MIIP: variants seen among roughly 807,000 people sequenced by gnomAD.
MIIP encodes the protein migration and invasion-inhibitory protein.
A neutral mutation model predicts 44.8 loss-of-function variants in MIIP; 44 were observed. The observed-to-expected ratio is 0.98, with a 90% confidence interval of 0.77 to 1.26. The LOEUF is 1.26. MIIP is among the 50% of genes most tolerant of loss of function. The pLI is 0.00. For missense variants in MIIP, 496 were observed against 511.7 expected (o/e 0.97, Z 0.30); for synonymous variants, 225 against 218.3 (o/e 1.03, Z -0.27).
chr1:12,023,840 A>G (rs1640043259), intron 4 of MIIP, among the ~76,000 whole-genome samples: 1 of 152,124 alleles, frequency 6.6e-6, no homozygotes, highest in South Asian at 2.1e-4. Flanking sequence ...CTAAAAATAC[A>G]ATAATTAGCC....
rs775285846 is a variant in MIIP, at chr1:12,022,303, G to A, written c.323G>A (p.Arg108Gln). ...AKCQHQESLG[R>Q]PRPHSAPSLG... ...TGCCAGCACCAGGAGTCCCTGGGCCGACCGAGACCCCACTCAGCACCCTCG... is the reference window on the plus strand; with the variant it reads ...TGCCAGCACCAGGAGTCCCTGGGCCAACCGAGACCCCACTCAGCACCCTCG... The change falls in exon 3 of 10, where the codon CGA becomes CAA. Residue 108 changes from arginine to glutamine, a missense_variant. Coordinates refer to ENST00000235332, the MANE Select transcript of MIIP (RefSeq NM_021933.4). 3.1e-6 allele frequency: 5 copies of A among 1,613,794 alleles called. No individual in the cohort carries two copies. Among genetic ancestry groups the A allele is most frequent in the Middle Eastern group, 1.6e-4 (1 of 6,062 alleles).
Position 12,032,043 on chromosome 1 carries a change from C to G in MIIP, c.*235C>G. On this transcript the variant is annotated 3_prime_UTR_variant, in exon 10 of 10. Transcript: ENST00000235332. ...AAATAAAGCTCAGTGCTCTGCAGCT[C>G]AAGTCCCACGTGTGCTGGTTCCATC... 1.9e-5 allele frequency: 11 copies of G among 576,920 alleles called. 1 individual carries two copies. Among genetic ancestry groups the G allele is most frequent in the South Asian group, 1.9e-4 (9 of 47,968 alleles). The allele number at this position is 576,920 out of a possible 1,614,324, so 35.7% of individuals were successfully genotyped here. A position where few individuals can be genotyped will look rare whatever the true frequency, so the allele number is the denominator to read the frequency against.
intron 2 of MIIP, 81 bp from the exon 3 acceptor site, chr1:12,022,014 A>G: frequency 6.8e-7 from 1 of 1,472,162 alleles, no homozygotes; most frequent in Non-Finnish European, 9.3e-7. Context: ...CAGGATGAGG[A>G]TGCTTGCCTT....
intron 9 of MIIP, 41 bp downstream of exon 9, chr1:12,031,444 A>G: frequency 1.3e-6 from 2 of 1,596,488 alleles, no homozygotes; most frequent in Non-Finnish European, 1.7e-6. Flanking sequence ...TGCCCCCTAG[A>G]GGGACAGAGA....
chr1:12,019,935 C>G (rs1178261063), intron 1 of MIIP, among the ~76,000 whole-genome samples: 1 of 152,222 alleles, frequency 6.6e-6, no homozygotes, highest in Non-Finnish European at 1.5e-5. Flanking sequence ...AAACAGTTGG[C>G]CCCTCTGGAC....
chr1:12,022,324 C>G lies in MIIP; in HGVS notation c.344C>G (p.Pro115Arg), dbSNP rs749869479. Reference protein sequence around the residue: ...SLGRPRPHSAPSLGTSSLRDP... With the variant: ...SLGRPRPHSARSLGTSSLRDP... Reference sequence around the variant, plus strand: ...GGCCGACCGAGACCCCACTCAGCACCCTCGCTGGGCACCTCAAGCCTGAGG... The same window carrying G: ...GGCCGACCGAGACCCCACTCAGCACGCTCGCTGGGCACCTCAAGCCTGAGG... The change falls in exon 3 of 10, where the codon CCC (proline) becomes CGC (arginine). Residue 115 changes from proline to arginine, a missense_variant. Transcript: ENST00000235332. The G allele has an allele frequency of 6.2e-7, 1 of 1,613,888 alleles. No homozygotes were observed. The highest frequency in any genetic ancestry group is 8.5e-7 in the Non-Finnish European group (1 of 1,180,004).
At chr1:12,029,704 G>A (rs1270848429) in intron 6 of MIIP, 61 bp from the exon 7 acceptor site, 9 of 1,579,108 alleles carry the variant, frequency 5.7e-6, no homozygotes, top group South Asian at 1.1e-5. Context: ...AGGGCAGCAC[G>A]GAGCCTGGGG....
intron 4 of MIIP, among the ~76,000 whole-genome samples, chr1:12,025,089 G>A (rs1015634872): frequency 2.1e-5 from 3 of 143,048 alleles, no homozygotes; most frequent in Non-Finnish European, 3.0e-5. Flanking sequence ...AGAGAGAGTC[G>A]CACTGTGTCT....
chr1:12,029,430 C>G lies in MIIP; in HGVS notation c.715+149C>G, dbSNP rs537905620. The G allele has an allele frequency of 4.3e-6, 4 of 929,704 alleles. No individual in the cohort carries two copies. The African/African-American group carries it at 6.7e-5, about 15-fold the overall frequency. The allele number at this position is 929,704 out of a possible 1,614,324, so 57.6% of individuals were successfully genotyped here. ...CATGGAGGGAGGCCTGCAGTCTGGA[C>G]AGGGTGGCCAAGCCCTGGTAGGGGT... On this transcript the variant is annotated intron_variant, in intron 6 of 9. Coordinates refer to ENST00000235332, the MANE Select transcript of MIIP (RefSeq NM_021933.4).
At chr1:12,019,838 A>G (rs1338600124) in intron 1 of MIIP, among the ~76,000 whole-genome samples, 1 of 152,244 alleles carries the variant, frequency 6.6e-6, no homozygotes, top group Non-Finnish European at 1.5e-5. Context: ...ACCCCGTGCG[A>G]AAACGGCGAC....
chr1:12,027,156 G>A (rs1640121748), intron 4 of MIIP, among the ~76,000 whole-genome samples: 1 of 152,030 alleles, frequency 6.6e-6, no homozygotes, highest in African/African-American at 2.4e-5. Flanking sequence ...TTACAGGCAT[G>A]CACCACTACA....
rs1256934627 is a variant in MIIP, at chr1:12,029,208, C to A, written c.657-15C>A. 3 of 1,613,496 alleles carry A rather than the reference C, an allele frequency of 1.9e-6. No homozygotes were observed. Among genetic ancestry groups the A allele is most frequent in the Non-Finnish European group, 2.5e-6 (3 of 1,179,846 alleles). ...GCTCCATCCCCCGGCCTGCTCATCC[C>A]CCTCGCCCTCTCAGACCCCAGTTGC... On this transcript the variant is annotated splice_polypyrimidine_tract_variant and intron_variant, in intron 5 of 9. Transcript: ENST00000235332.
intron 4 of MIIP, chr1:12,024,046 G>A (rs1640049172): frequency 1.3e-5 from 2 of 152,154 alleles, no homozygotes; most frequent in African/African-American, 2.4e-5. Flanking sequence ...GAAGAAGGGG[G>A]AAAGAGTAGA....
chr1:12,021,914 C>T lies in MIIP; in HGVS notation c.114+74C>T, dbSNP rs75948972. 88 of 1,351,576 alleles carry T rather than the reference C, an allele frequency of 6.5e-5. No individual in the cohort carries two copies. The East Asian group carries it at 2.1e-3, about 33-fold the overall frequency. The allele number at this position is 1,351,576 out of a possible 1,614,324, so 83.7% of individuals were successfully genotyped here. On this transcript the variant is annotated intron_variant, in intron 2 of 9. Coordinates refer to ENST00000235332, the MANE Select transcript of MIIP (RefSeq NM_021933.4). Reference sequence around the variant, plus strand: ...AGGCCAGCATCCAGGCTTCTGGGCTCATCTTGTTCAATACACCCATTTTAC... The same window carrying T: ...AGGCCAGCATCCAGGCTTCTGGGCTTATCTTGTTCAATACACCCATTTTAC...
chr1:12,022,704 C>A, intron 3 of MIIP, 129 bp from the exon 4 acceptor site: 1 of 758,788 alleles, frequency 1.3e-6, no homozygotes, highest in Non-Finnish European at 2.2e-6. Flanking sequence ...GCTCTTGTGC[C>A]CTTGGCTGAG....
chr1:12,028,687 TTG>T, intron 4 of MIIP: 1 of 221,846 alleles, frequency 4.5e-6, no homozygotes, highest in Admixed American at 5.1e-5. Context: ...TTTTTTTTTT[TTG>T]GTGGCTAGTT....
intron 6 of MIIP, 52 bp downstream of exon 6, chr1:12,029,333 C>G: frequency 5.8e-6 from 9 of 1,551,662 alleles, no homozygotes; most frequent in Non-Finnish European, 7.9e-6. Context: ...TCGCGCTGCC[C>G]TGGCCTCCCC....
In MIIP at chr1:12,029,079, C is replaced by G. The variant is rs757061312; in HGVS notation, c.594C>G (p.Phe198Leu). The G allele has an allele frequency of 6.2e-7, 1 of 1,614,174 alleles. No homozygotes were observed. Among genetic ancestry groups the G allele is most frequent in the South Asian group, 1.1e-5 (1 of 91,084 alleles). ...CCATCACCAGCCAGCCTGAGGCCTT[C>G]TTCTCCAAGCTGCAGGAGTTTCGGG... ...SSSITSQPEA[F>L]FSKLQEFRET... The change falls in exon 5 of 10, where the codon TTC becomes TTG. Residue 198 changes from phenylalanine (F) to leucine (L), a missense_variant. Transcript: ENST00000235332.
intron 4 of MIIP, 126 bp downstream of exon 4, chr1:12,023,043 C>A: frequency 1.6e-6 from 1 of 637,904 alleles, no homozygotes. Flanking sequence ...GTGCCATCCT[C>A]CGTGGGGAGC....
Sources: gnomAD v4.1 joint callset for allele counts (sites outside exome capture counted in the v4.1 genomes callset) on GRCh38, gnomAD v4.1.1 for gene constraint, MANE v1.5 for transcripts, NCBI Gene and HGNC (gene_info 2026-07-23, HGNC 2026-07-21) for gene names.